The following MAPKAP1 variants were observed in gnomAD, a reference collection of about 807,000 sequenced individuals.
The protein encoded by MAPKAP1 is target of rapamycin complex 2 subunit MAPKAP1.
Under a neutral mutation model 65.7 loss-of-function variants are expected in MAPKAP1, and 20 were observed. The ratio of observed to expected loss-of-function variants is 0.30; its 90% CI spans 0.21 to 0.44. The LOEUF (loss-of-function observed/expected upper bound fraction) is 0.44, where lower values mean the gene tolerates loss of function less well. MAPKAP1 is among the 20% of genes least tolerant of loss of function. The pLI, the probability that MAPKAP1 is intolerant of heterozygous loss-of-function variation, is 1.00. For missense variants in MAPKAP1, 423 were observed against 648.0 expected (o/e 0.65, Z 3.77); for synonymous variants, 222 against 244.3 (o/e 0.91, Z 0.85).
At chr9:125,699,498 C>T (rs1190905480) in intron 1 of MAPKAP1, among the ~76,000 whole-genome samples, 2 of 152,060 alleles carry the variant, frequency 1.3e-5, no homozygotes, top group Non-Finnish European at 2.9e-5. Context: ...CCACCTCACC[C>T]AGCCAGTATT....
intron 3 of MAPKAP1, among the ~76,000 whole-genome samples, chr9:125,669,520 T>C (rs1834437634): frequency 6.6e-6 from 1 of 152,068 alleles, no homozygotes; most frequent in Non-Finnish European, 1.5e-5. Context: ...CATAGGGTAC[T>C]CCTTGGCCTA....
chr9:125,679,489 T>C (rs1834757776), intron 1 of MAPKAP1, among the ~76,000 whole-genome samples: 1 of 152,024 alleles, frequency 6.6e-6, no homozygotes, highest in South Asian at 2.1e-4. Context: ...GTAATGGTTG[T>C]TCAAAAAAAT....
At chr9:125,665,138 C>T (rs1202781393) in intron 3 of MAPKAP1, among the ~76,000 whole-genome samples, 1 of 151,986 alleles carries the variant, frequency 6.6e-6, no homozygotes. Flanking sequence ...CCTGCCTCTA[C>T]TAAAAATGTT....
chr9:125,632,232 AAAAAAG>A (rs1833306002), intron 4 of MAPKAP1, among the ~76,000 whole-genome samples: 1 of 151,340 alleles, frequency 6.6e-6, no homozygotes, highest in African/African-American at 2.4e-5. Flanking sequence ...AAAGAAAAAA[AAAAAAG>A]AAGAAACTCA....
intron 4 of MAPKAP1, among the ~76,000 whole-genome samples, chr9:125,647,970 G>A (rs1833778665): frequency 6.7e-6 from 1 of 149,980 alleles, no homozygotes; most frequent in African/African-American, 2.5e-5. Context: ...AGGAAGTTAA[G>A]GCTAACAAGA....
intron 1 of MAPKAP1, among the ~76,000 whole-genome samples, chr9:125,690,767 G>A (rs1163589443): frequency 6.6e-6 from 1 of 152,188 alleles, no homozygotes; most frequent in African/African-American, 2.4e-5. Flanking sequence ...AGGCACTGAA[G>A]CAAGAAACAG....
chr9:125,565,894 G>A (rs1009055727), intron 5 of MAPKAP1, among the ~76,000 whole-genome samples: 5 of 152,168 alleles, frequency 3.3e-5, no homozygotes, highest in Admixed American at 6.5e-5. Flanking sequence ...TAGCAGTGTG[G>A]TGACTAGCAA....
At chr9:125,690,771 G>A (rs928751533) in intron 1 of MAPKAP1, among the ~76,000 whole-genome samples, 1 of 152,316 alleles carries the variant, frequency 6.6e-6, no homozygotes, top group Admixed American at 6.5e-5. Context: ...ACTGAAGCAA[G>A]AAACAGCAGA....
intron 1 of MAPKAP1, among the ~76,000 whole-genome samples, chr9:125,690,737 A>G (rs558524108): frequency 6.6e-6 from 1 of 152,360 alleles, no homozygotes; most frequent in South Asian, 2.1e-4. Flanking sequence ...CATTCGAGGT[A>G]GAAGACACAG....
At chr9:125,571,399 G>A (rs1035470464) in intron 5 of MAPKAP1, among the ~76,000 whole-genome samples, 1 of 152,114 alleles carries the variant, frequency 6.6e-6, no homozygotes, top group Admixed American at 6.6e-5. Context: ...GTTCTTAAAC[G>A]CAGGTTTCTA....
intron 10 of MAPKAP1, among the ~76,000 whole-genome samples, chr9:125,450,208 G>A (rs1304754966): frequency 6.6e-6 from 1 of 152,128 alleles, no homozygotes; most frequent in Non-Finnish European, 1.5e-5. Flanking sequence ...CTGCCAGAAT[G>A]AGCCTGCAGC....
Position 125,689,020 on chromosome 9 carries a change from A to G in MAPKAP1, c.-69-16377T>C, listed in dbSNP as rs867528474. ...TATACAGAGACTTATCAGTTCATTC[A>G]ATAAGCATGACTACATACTACACGC... On this transcript the variant is annotated intron_variant, in intron 1 of 11. Coordinates refer to ENST00000265960, the MANE Select transcript of MAPKAP1 (RefSeq NM_001006617.3). 2.6e-5 allele frequency among the ~76,000 whole-genome samples: 4 copies of G among 152,284 alleles called. No individual in the cohort carries two copies. In the Middle Eastern group the frequency reaches 0.01, roughly 388 times the overall value.
At chr9:125,478,619 C>T (rs1854193191) in intron 9 of MAPKAP1, among the ~76,000 whole-genome samples, 1 of 152,136 alleles carries the variant, frequency 6.6e-6, no homozygotes, top group Non-Finnish European at 1.5e-5. Context: ...TCTGAGCCAT[C>T]CTGCCCAGTC....
intron 1 of MAPKAP1, among the ~76,000 whole-genome samples, chr9:125,677,767 T>C (rs566468162): frequency 6.6e-6 from 1 of 152,292 alleles, no homozygotes; most frequent in East Asian, 1.9e-4. Flanking sequence ...AATATCACCT[T>C]GCCTAAGCTT....
intron 1 of MAPKAP1, among the ~76,000 whole-genome samples, chr9:125,673,001 G>C (rs949568842): frequency 6.6e-6 from 1 of 152,026 alleles, no homozygotes; most frequent in African/African-American, 2.4e-5. Context: ...ACTTTATAAG[G>C]TCATGGGGGA....
chr9:125,519,797 G>A (rs1327118077), intron 7 of MAPKAP1, among the ~76,000 whole-genome samples: 2 of 151,868 alleles, frequency 1.3e-5, no homozygotes, highest in African/African-American at 2.4e-5. Flanking sequence ...GCCTCCTCAT[G>A]GATTCTACCC....
chr9:125,695,734 CTTTT>C (rs112626289), intron 1 of MAPKAP1, among the ~76,000 whole-genome samples: 7 of 146,788 alleles, frequency 4.8e-5, no homozygotes, highest in Non-Finnish European at 7.5e-5. Context: ...TCTTTTCTTT[CTTTT>C]TTTTTTTGAG....
chr9:125,500,872 A>T (rs1828957053), intron 8 of MAPKAP1, among the ~76,000 whole-genome samples: 2 of 152,212 alleles, frequency 1.3e-5, no homozygotes, highest in South Asian at 4.1e-4. Flanking sequence ...TTCCTCAAGT[A>T]TGTTTAAGAT....
chr9:125,680,127 A>G (rs1007181482), intron 1 of MAPKAP1, among the ~76,000 whole-genome samples: 3 of 149,998 alleles, frequency 2.0e-5, no homozygotes, highest in African/African-American at 7.4e-5. Context: ...CTGTACCCCG[A>G]CTTCACACTA....
Sources: allele counts gnomAD v4.1 joint callset (sites outside exome capture counted in the v4.1 genomes callset), GRCh38; gene constraint gnomAD v4.1.1; transcripts MANE v1.5; gene names NCBI Gene and HGNC (gene_info 2026-07-23, HGNC 2026-07-21).